Variants in TLK1 observed in about 807,000 individuals in gnomAD.
The protein encoded by TLK1 is serine/threonine-protein kinase tousled-like 1.
A neutral mutation model predicts 105.3 loss-of-function variants in TLK1; 24 were observed. That is an observed-to-expected ratio of 0.23 (90% CI 0.17 to 0.32). TLK1 has a LOEUF of 0.32. Among genes scored for constraint, TLK1 ranks in the 10% least tolerant of loss-of-function variants. TLK1 has a pLI of 1.00. For missense variants in TLK1, 558 were observed against 910.5 expected (o/e 0.61, Z 4.98); for synonymous variants, 321 against 310.4 (o/e 1.03, Z -0.36).
chr2:171,038,267 T>C (rs978669475), intron 11 of TLK1, among the ~76,000 whole-genome samples: 1 of 152,164 alleles, frequency 6.6e-6, no homozygotes, highest in African/African-American at 2.4e-5. Context: ...TACAAAAATT[T>C]TAACGCGATT....
intron 12 of TLK1, among the ~76,000 whole-genome samples, chr2:171,020,216 G>A (rs1397942872): frequency 4.0e-5 from 6 of 151,434 alleles, no homozygotes; most frequent in Admixed American, 3.9e-4. Flanking sequence ...ACCAAGAAAG[G>A]GAAAGGTGAA....
At chr2:171,124,408 G>A (rs183177361) in intron 1 of TLK1, among the ~76,000 whole-genome samples, 1 of 152,182 alleles carries the variant, frequency 6.6e-6, no homozygotes, top group Non-Finnish European at 1.5e-5. Context: ...GTTGAGGGCA[G>A]TTCTCTTTAT....
At chr2:171,105,414 A>G (rs1255675366) in intron 2 of TLK1, among the ~76,000 whole-genome samples, 2 of 152,234 alleles carry the variant, frequency 1.3e-5, no homozygotes, top group African/African-American at 4.8e-5. Context: ...GGCTGGGCGC[A>G]GTGGCTCACG....
intron 2 of TLK1, among the ~76,000 whole-genome samples, chr2:171,113,103 G>T (rs747056208): frequency 7.2e-5 from 11 of 151,888 alleles, no homozygotes; most frequent in Non-Finnish European, 1.6e-4. Flanking sequence ...GTCAACCCCA[G>T]AAAAAGAGTA....
chr2:171,083,937 T>A (rs1688856462), intron 2 of TLK1, among the ~76,000 whole-genome samples: 1 of 152,136 alleles, frequency 6.6e-6, no homozygotes, highest in African/African-American at 2.4e-5. Flanking sequence ...ATTAGAAAGA[T>A]TCTGGGACAA....
At chr2:171,193,771 A>G (rs1693208397) in intron 1 of TLK1, among the ~76,000 whole-genome samples, 1 of 132,654 alleles carries the variant, frequency 7.5e-6, no homozygotes, top group Non-Finnish European at 1.5e-5. Flanking sequence ...GCTGGAATGC[A>G]GTGGCACAAT....
intron 1 of TLK1, among the ~76,000 whole-genome samples, chr2:171,198,656 C>G (rs1471997353): frequency 6.6e-6 from 1 of 152,052 alleles, no homozygotes; most frequent in African/African-American, 2.4e-5. Context: ...GACAAGCATC[C>G]AAAGATGTGT....
intron 1 of TLK1, among the ~76,000 whole-genome samples, chr2:171,192,218 G>A (rs58505063): frequency 2.6e-5 from 4 of 152,016 alleles, no homozygotes; most frequent in East Asian, 3.9e-4. Context: ...TTTGTCAGAC[G>A]GGGTTTTGCC....
chr2:171,188,885 A>G (rs1300358495), intron 1 of TLK1, among the ~76,000 whole-genome samples: 1 of 151,998 alleles, frequency 6.6e-6, no homozygotes, highest in Admixed American at 6.6e-5. Context: ...AAAAAAAAAA[A>G]AAAAGATTCA....
At chr2:171,011,010 T>C (rs917151962) in intron 14 of TLK1, among the ~76,000 whole-genome samples, 2 of 152,172 alleles carry the variant, frequency 1.3e-5, no homozygotes, top group Non-Finnish European at 2.9e-5. Flanking sequence ...AAGTACTTCT[T>C]TTTTTTGTTT....
intron 5 of TLK1, 142 bp from the exon 6 acceptor site, chr2:171,056,708 AAC>A (rs780454737): frequency 5.5e-5 from 26 of 469,540 alleles, no homozygotes; most frequent in Non-Finnish European, 8.2e-5. Context: ...AAAAAAAAAA[AAC>A]ACAAGGTCAG....
intron 1 of TLK1, among the ~76,000 whole-genome samples, chr2:171,118,063 G>T (rs114584654): frequency 6.6e-6 from 1 of 152,114 alleles, no homozygotes; most frequent in Non-Finnish European, 1.5e-5. Flanking sequence ...ACTTTTGGCT[G>T]CAACTCACAG....
At chr2:171,073,281 T>C (rs1428578882) in intron 3 of TLK1, among the ~76,000 whole-genome samples, 2 of 152,216 alleles carry the variant, frequency 1.3e-5, no homozygotes, top group Admixed American at 6.5e-5. Flanking sequence ...GGCACTCTTG[T>C]TGTGTTCCCT....
At chr2:171,030,314 C>CA (rs5836319) in intron 11 of TLK1, among the ~76,000 whole-genome samples, 1 of 151,336 alleles carries the variant, frequency 6.6e-6, no homozygotes, top group African/African-American at 2.4e-5. Context: ...TCTTAAGAGC[C>CA]AAAAAAATTA....
intron 1 of TLK1, among the ~76,000 whole-genome samples, chr2:171,182,966 A>G (rs950508578): frequency 1.2e-4 from 18 of 151,500 alleles, no homozygotes; most frequent in Middle Eastern, 3.4e-3. Context: ...AAAGAAAGAA[A>G]GAACATTATT....
At chr2:171,126,828 C>T (rs542261346) in intron 1 of TLK1, among the ~76,000 whole-genome samples, 1 of 151,596 alleles carries the variant, frequency 6.6e-6, no homozygotes, top group Admixed American at 6.6e-5. Context: ...TCTATTAATA[C>T]TTTACATATT....
intron 1 of TLK1, among the ~76,000 whole-genome samples, chr2:171,192,764 G>A (rs1048973934): frequency 9.9e-5 from 15 of 152,154 alleles, no homozygotes; most frequent in African/African-American, 3.6e-4. Context: ...AGGTGTCATG[G>A]CCAAAAGGTT....
intron 1 of TLK1, among the ~76,000 whole-genome samples, chr2:171,178,780 G>C (rs569601759): frequency 6.6e-6 from 1 of 152,306 alleles, no homozygotes; most frequent in Non-Finnish European, 1.5e-5. Flanking sequence ...TTATTAAACA[G>C]AAGAAATTTA....
intron 1 of TLK1, among the ~76,000 whole-genome samples, chr2:171,206,931 A>G (rs1270456073): frequency 6.6e-6 from 1 of 152,212 alleles, no homozygotes; most frequent in African/African-American, 2.4e-5. Context: ...GAGCAACAGG[A>G]ATGTTCATTC....
Sources: gnomAD v4.1 joint callset for allele counts (sites outside exome capture counted in the v4.1 genomes callset) on GRCh38, gnomAD v4.1.1 for gene constraint, MANE v1.5 for transcripts, NCBI Gene and HGNC (gene_info 2026-07-23, HGNC 2026-07-21) for gene names.